The following PIEZO2 variants were observed in gnomAD, a reference collection of about 807,000 sequenced individuals.
PIEZO2 encodes the protein piezo-type mechanosensitive ion channel component 2.
PIEZO2 carries 172 observed loss-of-function variants against 337.3 expected under a neutral mutation model. The observed-to-expected ratio is 0.51, with a 90% CI of 0.45 to 0.58. The LOEUF is 0.58. Ranked by LOEUF, PIEZO2 falls within the 20% of genes least tolerant of loss-of-function variation. The pLI, the probability that PIEZO2 is intolerant of heterozygous loss-of-function variation, is 0.00. For synonymous variants in PIEZO2, 1,251 were observed against 1,228.5 expected (o/e 1.02, Z -0.38); for missense variants, 3,028 against 3,391.3 (o/e 0.89, Z 2.66).
chr18:11,081,759 CTTT>C (rs547000060), intron 1 of PIEZO2, among the ~76,000 whole-genome samples: 2 of 137,456 alleles, frequency 1.5e-5, no homozygotes, highest in Non-Finnish European at 1.6e-5. Context: ...CTCAACTCAA[CTTT>C]TTTTTTTTTT....
chr18:10,856,652 TG>T lies in PIEZO2; in HGVS notation c.703+348del, dbSNP rs528203011. On this transcript the variant is annotated intron_variant, in intron 6 of 55. Transcript: ENST00000674853. The surrounding 1 kb of genome is among the most constrained non-coding windows in gnomAD (Gnocchi z 4.7). ...CCAGAACCCACAATATGGCTTGTGATGGGTGCATGCACATTGTTAATTGCAG... is the reference window on the plus strand; with the variant it reads ...CCAGAACCCACAATATGGCTTGTGATGGTGCATGCACATTGTTAATTGCAG... Among the ~76,000 whole-genome samples the T allele has an allele frequency of 3.3e-5, 5 of 152,208 alleles. No individual in the cohort carries two copies. Among genetic ancestry groups the T allele is most frequent in the Non-Finnish European group, 7.3e-5 (5 of 68,040 alleles).
At chr18:10,731,177 T>TTATATATATA (rs60508630) in intron 36 of PIEZO2, among the ~76,000 whole-genome samples, 43 of 35,212 alleles carry the variant, frequency 1.2e-3, no homozygotes, top group Admixed American at 3.1e-3. Context: ...ACTTAAAAGA[T>TTATATATATA]TATATATATA....
In PIEZO2 at chr18:10,982,116, C is replaced by A. The variant is rs2145499095; in HGVS notation, c.161-2456G>T. The stretch of plus-strand genomic sequence containing the variant: ...AAACTGCATCAGTAGGCATATTTGT[C>A]TTTTCTTGATTTCAAAGAGAAAGCT... On this transcript the variant is annotated intron_variant, in intron 2 of 55. Transcript: ENST00000674853. This position sits in a 1 kb window ranked among gnomAD's most constrained non-coding sequence, Gnocchi z 4.1. 6.6e-6 allele frequency among the ~76,000 whole-genome samples: 1 copy of A among 152,120 alleles called. No individual in the cohort carries two copies. The highest frequency in any genetic ancestry group is 1.9e-4 in the East Asian group (1 of 5,192).
intron 8 of PIEZO2, among the ~76,000 whole-genome samples, chr18:10,804,406 G>A (rs1598504889): frequency 6.6e-6 from 1 of 152,190 alleles, no homozygotes; most frequent in Non-Finnish European, 1.5e-5. Flanking sequence ...GAATCATCTA[G>A]AGCTCACACA....
Position 11,096,197 on chromosome 18 carries a change from G to A in PIEZO2, c.65-29975C>T, listed in dbSNP as rs2039259219. Among the ~76,000 whole-genome samples the A allele has an allele frequency of 1.3e-5, 2 of 152,212 alleles. No homozygotes were observed. Among genetic ancestry groups the A allele is most frequent in the Admixed American group, 6.5e-5 (1 of 15,286 alleles). ...CCTGGCTGTGGGGTGTGGCCACCTA[G>A]AGCCCTGGGGTGAAGAAGCCATGAG... On this transcript the variant is annotated intron_variant, in intron 1 of 55. Coordinates refer to ENST00000674853, the MANE Select transcript of PIEZO2 (RefSeq NM_001378183.1). This position sits in a 1 kb window ranked among gnomAD's most constrained non-coding sequence, Gnocchi z 4.6.
intron 7 of PIEZO2, among the ~76,000 whole-genome samples, chr18:10,818,429 C>T (rs1307962005): frequency 6.6e-6 from 1 of 151,984 alleles, no homozygotes; most frequent in African/African-American, 2.4e-5. Context: ...TTGTGTATAC[C>T]CAATATTTTC....
At position 11,112,011 on chromosome 18, in the gene PIEZO2, G is replaced by A. The variant is rs943485093; in HGVS notation, c.64+36514C>T. ...AGAGGGAAAATGGTAGGGGAGCCGT[G>A]AATGAAGTTTCATAGTCCTTTATAT... On this transcript the variant is annotated intron_variant, in intron 1 of 55. Coordinates refer to ENST00000674853, the MANE Select transcript of PIEZO2 (RefSeq NM_001378183.1). The surrounding 1 kb of genome is among the most constrained non-coding windows in gnomAD (Gnocchi z 4.3). 2.6e-5 allele frequency among the ~76,000 whole-genome samples: 4 copies of A among 152,172 alleles called. No individual in the cohort carries two copies. Among genetic ancestry groups the A allele is most frequent in the Non-Finnish European group, 5.9e-5 (4 of 68,036 alleles).
In PIEZO2 at chr18:11,148,424, G is replaced by C; in HGVS notation, c.64+101C>G. ...TCTGACGCCGCTGGCCTCCCGAATCGAACCCCAGAGCACCAGAGCCCTTCA... is the reference window on the plus strand; with the variant it reads ...TCTGACGCCGCTGGCCTCCCGAATCCAACCCCAGAGCACCAGAGCCCTTCA... On this transcript the variant is annotated intron_variant, in intron 1 of 55. Coordinates refer to ENST00000674853, the MANE Select transcript of PIEZO2 (RefSeq NM_001378183.1). The surrounding 1 kb of genome is among the most constrained non-coding windows in gnomAD (Gnocchi z 5.2). The C allele has an allele frequency of 7.4e-7, 1 of 1,356,476 alleles. No homozygotes were observed. The highest frequency in any genetic ancestry group is 1.0e-6 in the Non-Finnish European group (1 of 990,162). The allele number at this position is 1,356,476 out of a possible 1,614,324, so 84.0% of individuals were successfully genotyped here. A position where few individuals can be genotyped will look rare whatever the true frequency, so the allele number is the denominator to read the frequency against.
Position 10,716,740 on chromosome 18 carries a change from A to C in PIEZO2, c.5090-924T>G, listed in dbSNP as rs2036025460. Reference sequence around the variant, plus strand: ...TAGAGCCTCTAGCTGCTCTGTGTAGACATAAAGGGGAAGCTTGGCTCTGGA... The same window carrying C: ...TAGAGCCTCTAGCTGCTCTGTGTAGCCATAAAGGGGAAGCTTGGCTCTGGA... On this transcript the variant is annotated intron_variant, in intron 37 of 55. Coordinates refer to ENST00000674853, the MANE Select transcript of PIEZO2 (RefSeq NM_001378183.1). This position sits in a 1 kb window ranked among gnomAD's most constrained non-coding sequence, Gnocchi z 4.1. Among the ~76,000 whole-genome samples, 2 of 152,202 alleles carry C rather than the reference A, an allele frequency of 1.3e-5. No individual in the cohort carries two copies.
intron 9 of PIEZO2, among the ~76,000 whole-genome samples, chr18:10,802,440 A>T (rs540060752): frequency 2.2e-4 from 34 of 152,346 alleles, no homozygotes; most frequent in African/African-American, 7.7e-4. Flanking sequence ...TTCATTAAAA[A>T]TTTAAAAAAA....
intron 12 of PIEZO2, among the ~76,000 whole-genome samples, chr18:10,796,950 A>G (rs1317233176): frequency 1.3e-5 from 2 of 152,158 alleles, no homozygotes; most frequent in African/African-American, 4.8e-5. Flanking sequence ...CATATCATAC[A>G]TACCATCATA....
At chr18:11,039,961 TAAATG>T (rs2037060928) in intron 2 of PIEZO2, among the ~76,000 whole-genome samples, 1 of 152,184 alleles carries the variant, frequency 6.6e-6, no homozygotes, top group African/African-American at 2.4e-5. Flanking sequence ...CTCTGCTTTT[TAAATG>T]AGAGCTATAC....
At chr18:11,058,172 T>A in intron 2 of PIEZO2, among the ~76,000 whole-genome samples, 1 of 152,236 alleles carries the variant, frequency 6.6e-6, no homozygotes, top group South Asian at 2.1e-4. Context: ...CAGCCTCCGC[T>A]GCTGTTACCC....
At chr18:11,055,554 T>C (rs1025047238) in intron 2 of PIEZO2, among the ~76,000 whole-genome samples, 1 of 152,238 alleles carries the variant, frequency 6.6e-6, no homozygotes, top group South Asian at 2.1e-4. Flanking sequence ...CAAAGGGAGC[T>C]GTGACAGCAC....
At chr18:10,772,537 T>TG (rs11368972) in intron 20 of PIEZO2, among the ~76,000 whole-genome samples, 7,889 of 152,188 alleles carry the variant, frequency 0.052, 266 homozygotes, top group Non-Finnish European at 0.066. Flanking sequence ...CTGAGATGAG[T>TG]GGGGAAAGAA....
At chr18:11,114,756 G>A (rs1213762512) in intron 1 of PIEZO2, among the ~76,000 whole-genome samples, 2 of 152,014 alleles carry the variant, frequency 1.3e-5, no homozygotes, top group East Asian at 1.9e-4. Flanking sequence ...TTAACAGGAC[G>A]GGATAGAGAA....
intron 1 of PIEZO2, among the ~76,000 whole-genome samples, chr18:11,091,500 A>G (rs1164595610): frequency 6.6e-6 from 1 of 152,248 alleles, no homozygotes; most frequent in Non-Finnish European, 1.5e-5. Flanking sequence ...GAGCACTGGC[A>G]TTAATAAAAG....
Position 10,773,505 on chromosome 18 carries a change from T to G in PIEZO2, c.2692A>C (p.Lys898Gln), listed in dbSNP as rs779405614. The change falls in exon 20 of 56, where the codon AAA becomes CAA. Residue 898 changes from lysine to glutamine, a missense_variant. This residue lies in a region of PIEZO2 where 1,925 missense variants were observed against 2,051.9 expected (regional missense o/e 0.94). Coordinates refer to ENST00000674853, the MANE Select transcript of PIEZO2 (RefSeq NM_001378183.1). This position sits in a 1 kb window ranked among gnomAD's most constrained non-coding sequence, Gnocchi z 5.3. ...GEEKLEGYSE[K>Q]AQKGDLGKDS... The stretch of plus-strand genomic sequence containing the variant: ...TTCCCAAGATCACCCTTCTGGGCTT[T>G]TTCAGAGTAGCCCTCAAGCTTCTCC... 18 of 1,537,336 alleles carry G rather than the reference T, an allele frequency of 1.2e-5. No individual in the cohort carries two copies. The highest frequency in any genetic ancestry group is 1.5e-5 in the Non-Finnish European group (17 of 1,146,976).
At chr18:11,041,003 CA>C (rs1217279876) in intron 2 of PIEZO2, among the ~76,000 whole-genome samples, 10 of 152,146 alleles carry the variant, frequency 6.6e-5, no homozygotes, top group African/African-American at 2.4e-4. Flanking sequence ...TTCTACAAAA[CA>C]GCTCCCTCTG....
Sources: gnomAD v4.1 joint callset for allele counts (sites outside exome capture counted in the v4.1 genomes callset) on GRCh38, gnomAD v4.1.1 for gene constraint, gnomAD v4.1.1 regional missense constraint, Gnocchi (gnomAD v3.1) non-coding constraint, MANE v1.5 for transcripts, NCBI Gene and HGNC (gene_info 2026-07-23, HGNC 2026-07-21) for gene names.